PDYN: variants seen among roughly 807,000 people sequenced by gnomAD.
PDYN encodes prodynorphin, also known as proenkephalin-B.
A neutral mutation model predicts 11.4 loss-of-function variants in PDYN; 5 were observed. That is an observed-to-expected ratio of 0.44 (90% CI 0.23 to 0.92). The LOEUF (loss-of-function observed/expected upper bound fraction) is 0.92, where lower values mean the gene tolerates loss of function less well. Ranked by LOEUF, PDYN falls within the 40% of genes least tolerant of loss-of-function variation. PDYN has a pLI of 0.24. For synonymous variants in PDYN, 132 were observed against 129.5 expected, an observed-to-expected ratio of 1.02 and a Z score of -0.13; for missense variants, 337 against 317.3, an observed-to-expected ratio of 1.06 and a Z score of -0.47.
intron 2 of PDYN, among the ~76,000 whole-genome samples, chr20:1,990,764 G>A (rs1988399301): frequency 6.6e-6 from 1 of 152,126 alleles, no homozygotes; most frequent in South Asian, 2.1e-4. Flanking sequence ...AAGGCAAAAA[G>A]AGGATAAGCT....
At chr20:1,983,972 T>C (rs562888102) in intron 2 of PDYN, among the ~76,000 whole-genome samples, 1 of 152,298 alleles carries the variant, frequency 6.6e-6, no homozygotes, top group African/African-American at 2.4e-5. Context: ...TCCTATTCTG[T>C]TACCTGTCAT....
intron 1 of PDYN, among the ~76,000 whole-genome samples, chr20:1,993,183 G>C (rs1988525161): frequency 1.3e-5 from 2 of 151,036 alleles, no homozygotes; most frequent in African/African-American, 4.9e-5. Flanking sequence ...GCCTCCTCCT[G>C]GCCTTAGACT....
chr20:1,988,900 C>T (rs1191811925), intron 2 of PDYN, among the ~76,000 whole-genome samples: 1 of 152,158 alleles, frequency 6.6e-6, no homozygotes, highest in Non-Finnish European at 1.5e-5. Flanking sequence ...GGCTCTGCCT[C>T]CCTGGAGAAC....
chr20:1,991,551 C>T (rs185205760), intron 2 of PDYN, among the ~76,000 whole-genome samples: 180 of 152,272 alleles, frequency 1.2e-3, no homozygotes, highest in African/African-American at 4.2e-3. Flanking sequence ...TGTCTCCAGC[C>T]GATGTTCACT....
chr20:1,990,935 T>C (rs1280461342), intron 2 of PDYN, among the ~76,000 whole-genome samples: 1 of 93,648 alleles, frequency 1.1e-5, no homozygotes, highest in Non-Finnish European at 2.2e-5. Flanking sequence ...CAGAGAGAGG[T>C]GGAGGACCAT....
chr20:1,981,702 G>A (rs925587660), intron 3 of PDYN, among the ~76,000 whole-genome samples: 1 of 151,694 alleles, frequency 6.6e-6, no homozygotes, highest in South Asian at 2.1e-4. Context: ...AAAGCTGGCG[G>A]ATCACTTGAA....
At chr20:1,986,549 C>T (rs1397648785) in intron 2 of PDYN, among the ~76,000 whole-genome samples, 1 of 152,224 alleles carries the variant, frequency 6.6e-6, no homozygotes, top group African/African-American at 2.4e-5. Context: ...CAACAGCTGA[C>T]ATTTGCTAGT....
In PDYN at chr20:1,980,958, T is replaced by G. The variant is rs1416537218; in HGVS notation, c.130A>C (p.Ile44Leu). 6.2e-7 allele frequency: 1 copy of G among 1,613,834 alleles called. No homozygotes were observed. The highest frequency in any genetic ancestry group is 8.5e-7 in the Non-Finnish European group (1 of 1,180,008). Reference sequence around the variant, plus strand: ...GCAGCCTGGCATTGCAGGGAGCAAATCTGCAAAAGACCCAAAAAGACCACA... The same window carrying G: ...GCAGCCTGGCATTGCAGGGAGCAAAGCTGCAAAAGACCCAAAAAGACCACA... ...QDGPKPINPL[I>L]CSLQCQAALL... The change falls in exon 4 of 4, where the codon ATT becomes CTT. Residue 44 changes from isoleucine (I) to leucine (L), a missense_variant and splice_region_variant. Transcript: ENST00000217305.
chr20:1,981,861 A>G (rs536768205), intron 3 of PDYN, among the ~76,000 whole-genome samples: 175 of 147,950 alleles, frequency 1.2e-3, no homozygotes, highest in African/African-American at 4.3e-3. Flanking sequence ...AGGAGGCGGA[A>G]GTTGCAGTGA....
At chr20:1,982,082 C>A (rs1349958341) in intron 3 of PDYN, among the ~76,000 whole-genome samples, 1 of 151,514 alleles carries the variant, frequency 6.6e-6, no homozygotes, top group Non-Finnish European at 1.5e-5. Flanking sequence ...CATGGTGAAA[C>A]CCCGTCTCTA....
intron 2 of PDYN, among the ~76,000 whole-genome samples, chr20:1,988,775 G>A (rs1405410430): frequency 6.6e-6 from 1 of 152,178 alleles, no homozygotes; most frequent in African/African-American, 2.4e-5. Context: ...GGGCTGATGG[G>A]GCAGTGGGGT....
chr20:1,981,041 T>C (rs908280041), intron 3 of PDYN, 83 bp from the exon 4 acceptor site: 20 of 1,524,658 alleles, frequency 1.3e-5, no homozygotes, highest in Non-Finnish European at 1.7e-5. Context: ...GTCCAGTGTC[T>C]GAGAAAACCA....
intron 2 of PDYN, among the ~76,000 whole-genome samples, chr20:1,991,043 G>A (rs983290975): frequency 1.2e-4 from 18 of 151,994 alleles, no homozygotes; most frequent in Non-Finnish European, 1.8e-4. Context: ...AGGGAAAAAA[G>A]GGAAGGGAAG....
intron 2 of PDYN, among the ~76,000 whole-genome samples, chr20:1,986,906 T>C (rs1323025074): frequency 6.6e-6 from 1 of 152,206 alleles, no homozygotes; most frequent in African/African-American, 2.4e-5. Context: ...CCTGGCTAAT[T>C]CTTACTCATT....
chr20:1,981,012 G>C, intron 3 of PDYN, 54 bp from the exon 4 acceptor site: 1 of 1,600,788 alleles, frequency 6.2e-7, no homozygotes, highest in Non-Finnish European at 8.5e-7. Context: ...ACATGCACTG[G>C]TCTGCCCCAG....
chr20:1,988,134 C>T (rs1193551278), intron 2 of PDYN, among the ~76,000 whole-genome samples: 1 of 152,208 alleles, frequency 6.6e-6, no homozygotes, highest in East Asian at 1.9e-4. Flanking sequence ...CTGTGCATTA[C>T]TGCTTTGTAC....
At chr20:1,982,502 T>C (rs1987883609) in intron 3 of PDYN, among the ~76,000 whole-genome samples, 1 of 151,922 alleles carries the variant, frequency 6.6e-6, no homozygotes, top group African/African-American at 2.4e-5. Context: ...GGTCAAGAGG[T>C]GCTAAGGCCC....
rs1987706030 is a variant in PDYN, at chr20:1,980,697, T to C, written c.391A>G (p.Arg131Gly). ...TLSKSLEEKL[R>G]GLSDGFREGA... Reference sequence around the variant, plus strand: ...TCCCTAAACCCGTCAGAGAGACCCCTGAGCTTCTCCTCCAGGCTCTTGCTC... The same window carrying C: ...TCCCTAAACCCGTCAGAGAGACCCCCGAGCTTCTCCTCCAGGCTCTTGCTC... The change falls in exon 4 of 4, where the codon AGG becomes GGG. Residue 131 changes from arginine to glycine, a missense_variant. Arg to Gly is a moderately radical substitution (Grantham distance 125). Coordinates refer to ENST00000217305, the MANE Select transcript of PDYN (RefSeq NM_024411.5). 6.2e-7 allele frequency: 1 copy of C among 1,612,700 alleles called. No individual in the cohort carries two copies. Among genetic ancestry groups the C allele is most frequent in the Non-Finnish European group, 8.5e-7 (1 of 1,178,654 alleles).
Position 1,986,989 on chromosome 20 carries a change from G to C in PDYN, c.-19-3886C>G, listed in dbSNP as rs1988213872. ...TAGTTCCCTCCTTTGAGCTCCCACG[G>C]CCTCCTATGCTGGCTCCATCACAAA... On this transcript the variant is annotated intron_variant, in intron 2 of 3. Transcript: ENST00000217305. Among the ~76,000 whole-genome samples, 2 of 152,186 alleles carry C rather than the reference G, an allele frequency of 1.3e-5. 1 individual carries two copies. The highest frequency in any genetic ancestry group is 4.1e-4 in the South Asian group (2 of 4,838).
Sources: gnomAD v4.1 joint callset for allele counts (sites outside exome capture counted in the v4.1 genomes callset) on GRCh38, gnomAD v4.1.1 for gene constraint, MANE v1.5 for transcripts, NCBI Gene and HGNC (gene_info 2026-07-23, HGNC 2026-07-21) for gene names.